EFR3A: variants seen among roughly 807,000 people sequenced by gnomAD.
The protein encoded by EFR3A is protein EFR3 homolog A.
In EFR3A, 76 loss-of-function variants were observed where a neutral mutation model predicts 104.4. The ratio of observed to expected loss-of-function variants is 0.73; its 90% CI spans 0.60 to 0.88. The LOEUF (loss-of-function observed/expected upper bound fraction) is 0.88. Among genes scored for constraint, EFR3A ranks in the 40% least tolerant of loss-of-function variants. The pLI is 0.00. For synonymous variants in EFR3A, 330 were observed against 330.0 expected (o/e 1.00, Z 0.00); for missense variants, 985 against 1,012.5 (o/e 0.97, Z 0.37).
At chr8:131,959,510 T>C in intron 7 of EFR3A, 75 bp from the exon 8 acceptor site, 1 of 1,187,146 alleles carries the variant, frequency 8.4e-7, no homozygotes, top group Non-Finnish European at 1.2e-6. Flanking sequence ...ATTAAGCTTT[T>C]CCTATTGTTG....
At chr8:131,951,957 A>AT (rs900942740) in intron 5 of EFR3A, among the ~76,000 whole-genome samples, 4 of 152,016 alleles carry the variant, frequency 2.6e-5, no homozygotes, top group Admixed American at 2.0e-4. Flanking sequence ...CAGTCCCTTT[A>AT]TTTTTTTACC....
At position 131,984,809 on chromosome 8, in the gene EFR3A, CT is replaced by C. The variant is rs147425045; in HGVS notation, c.1738-119del. On this transcript the variant is annotated intron_variant, in intron 15 of 22. Coordinates refer to ENST00000254624, the MANE Select transcript of EFR3A (RefSeq NM_015137.6). ...TCAGAATTGTTTTAGAAAATAACTT[CT>C]GATAAAGTGGCATTTTTGTTAGCTT... 2.2e-3 allele frequency: 1,990 copies of C among 885,156 alleles called. 28 individuals are homozygous for C. In the African/African-American group the frequency reaches 0.028, roughly 12 times the overall value. The allele number at this position is 885,156 out of a possible 1,614,324, so 54.8% of individuals were successfully genotyped here.
At chr8:132,007,064 G>A (rs1454245149) in intron 22 of EFR3A, among the ~76,000 whole-genome samples, 1 of 151,878 alleles carries the variant, frequency 6.6e-6, no homozygotes, top group African/African-American at 2.4e-5. Flanking sequence ...AATGGTGAAA[G>A]TCTGATGCCT....
At chr8:131,964,001 G>T (rs2130669055) in intron 8 of EFR3A, among the ~76,000 whole-genome samples, 1 of 152,242 alleles carries the variant, frequency 6.6e-6, no homozygotes, top group South Asian at 2.1e-4. Flanking sequence ...TGCAGAAAAG[G>T]CCTTTGACAA....
At chr8:132,004,599 A>G (rs1586682666) in intron 22 of EFR3A, among the ~76,000 whole-genome samples, 1 of 152,220 alleles carries the variant, frequency 6.6e-6, no homozygotes, top group South Asian at 2.1e-4. Context: ...TTAGGATTCA[A>G]TTAAAATTGC....
intron 1 of EFR3A, among the ~76,000 whole-genome samples, chr8:131,923,221 T>C (rs1176813712): frequency 6.6e-6 from 1 of 152,154 alleles, no homozygotes; most frequent in Non-Finnish European, 1.5e-5. Context: ...CAAAGTATTA[T>C]GTGGCTTTAC....
intron 1 of EFR3A, among the ~76,000 whole-genome samples, chr8:131,921,274 G>A (rs1817007471): frequency 6.6e-6 from 1 of 152,084 alleles, no homozygotes; most frequent in Non-Finnish European, 1.5e-5. Flanking sequence ...GCATCTCCCT[G>A]GCTTTTATAT....
At chr8:131,929,240 G>A (rs1156612903) in intron 1 of EFR3A, among the ~76,000 whole-genome samples, 1 of 152,116 alleles carries the variant, frequency 6.6e-6, no homozygotes, top group Non-Finnish European at 1.5e-5. Flanking sequence ...CATCCAACCA[G>A]TTGTCCAAAC....
At chr8:131,927,472 G>A (rs1041003495) in intron 1 of EFR3A, among the ~76,000 whole-genome samples, 1 of 152,102 alleles carries the variant, frequency 6.6e-6, no homozygotes, top group Non-Finnish European at 1.5e-5. Context: ...TTAAAGTGTT[G>A]TCACACCCTA....
At chr8:131,955,650 T>G (rs181732653) in intron 6 of EFR3A, 118 bp from the exon 7 acceptor site, 1 of 1,032,716 alleles carries the variant, frequency 9.7e-7, no homozygotes, top group African/African-American at 1.6e-5. Context: ...AGCTATATAT[T>G]TTCTGGAGTA....
At chr8:131,908,723 C>T (rs2130369568) in intron 1 of EFR3A, among the ~76,000 whole-genome samples, 1 of 152,184 alleles carries the variant, frequency 6.6e-6, no homozygotes, top group East Asian at 1.9e-4. Context: ...GTGCTCTGAG[C>T]CAGGCAGGAG....
chr8:131,975,459 C>T (rs1289226424), intron 10 of EFR3A, among the ~76,000 whole-genome samples: 1 of 145,926 alleles, frequency 6.9e-6, no homozygotes, highest in Non-Finnish European at 1.5e-5. Context: ...TCTTGTTGCC[C>T]AGGCTGGAGT....
At chr8:131,959,220 G>C (rs1028345895) in intron 7 of EFR3A, among the ~76,000 whole-genome samples, 1 of 152,080 alleles carries the variant, frequency 6.6e-6, no homozygotes, top group Non-Finnish European at 1.5e-5. Context: ...ATCTAAGGCT[G>C]TTCCCCTGTT....
intron 7 of EFR3A, among the ~76,000 whole-genome samples, chr8:131,958,089 A>G (rs1819114882): frequency 6.6e-6 from 1 of 152,326 alleles, no homozygotes; most frequent in African/African-American, 2.4e-5. Flanking sequence ...TTACTGTAAT[A>G]AAATTCTTGA....
chr8:131,967,571 C>CAA (rs34303335), intron 8 of EFR3A, among the ~76,000 whole-genome samples: 22 of 114,364 alleles, frequency 1.9e-4, no homozygotes, highest in African/African-American at 4.2e-4. Flanking sequence ...TGCTGTTCTT[C>CAA]AAAAAAAAAA....
chr8:131,963,300 TC>T (rs577644788), intron 8 of EFR3A, among the ~76,000 whole-genome samples: 2,095 of 152,132 alleles, frequency 0.014, 45 homozygotes, highest in African/African-American at 0.048. Flanking sequence ...TTTGAAAAGA[TC>T]AACAAAATTG....
intron 22 of EFR3A, among the ~76,000 whole-genome samples, chr8:132,007,194 A>G (rs1004827501): frequency 9.9e-5 from 15 of 152,000 alleles, no homozygotes; most frequent in East Asian, 5.8e-4. Context: ...AAATAAAACT[A>G]TCTTTTCACA....
At chr8:132,006,246 C>G (rs1164689043) in intron 22 of EFR3A, among the ~76,000 whole-genome samples, 1 of 151,892 alleles carries the variant, frequency 6.6e-6, no homozygotes, top group Non-Finnish European at 1.5e-5. Context: ...AGAAAATAGG[C>G]AAACAATAGA....
intron 1 of EFR3A, among the ~76,000 whole-genome samples, chr8:131,922,564 G>A (rs1396647949): frequency 6.6e-6 from 1 of 152,002 alleles, no homozygotes; most frequent in Non-Finnish European, 1.5e-5. Flanking sequence ...TATTGTTTTG[G>A]GGAACATAAT....
Sources: gnomAD v4.1 joint callset for allele counts (sites outside exome capture counted in the v4.1 genomes callset) on GRCh38, gnomAD v4.1.1 for gene constraint, MANE v1.5 for transcripts, NCBI Gene and HGNC (gene_info 2026-07-23, HGNC 2026-07-21) for gene names.